PLEKHG4B: variants seen among roughly 807,000 people sequenced by gnomAD.
PLEKHG4B encodes the protein pleckstrin homology domain-containing family G member 4B.
In PLEKHG4B, 111 loss-of-function variants were observed where a neutral mutation model predicts 121.3. That is an observed-to-expected ratio of 0.92 (90% confidence interval 0.78 to 1.07). The LOEUF is 1.07. Among genes scored for constraint, PLEKHG4B ranks in the 50% least tolerant of loss-of-function variants. PLEKHG4B has a pLI of 0.00. For missense variants in PLEKHG4B, 1,831 were observed against 1,757.8 expected, an observed-to-expected ratio of 1.04 and a Z score of -0.74; for synonymous variants, 738 against 725.0, an observed-to-expected ratio of 1.02 and a Z score of -0.29.
Position 181,917 on chromosome 5 carries a change from C to CT in PLEKHG4B, c.4565-84dup, listed in dbSNP as rs1290049846. On this transcript the variant is annotated intron_variant, in intron 19 of 19. Coordinates refer to ENST00000637938, the MANE Select transcript of PLEKHG4B (RefSeq NM_052909.5). Reference sequence around the variant, plus strand: ...ACTGCAGTGGCAAAGCCTGGTCGGCCTTTCAGACGGCTCTGATCCCATTCC... The same window carrying CT: ...ACTGCAGTGGCAAAGCCTGGTCGGCCTTTTCAGACGGCTCTGATCCCATTCC... The CT allele has an allele frequency of 7.5e-6, 11 of 1,468,850 alleles. No homozygotes were observed. The Admixed American group carries it at 1.9e-4, about 26-fold the overall frequency. The allele number at this position is 1,468,850 out of a possible 1,614,324, so 91.0% of individuals were successfully genotyped here.
chr5:118,772 A>C (rs543435108), intron 2 of PLEKHG4B, among the ~76,000 whole-genome samples: 2 of 152,020 alleles, frequency 1.3e-5, no homozygotes, highest in East Asian at 3.9e-4. Context: ...TTTGCTCCCC[A>C]ACACTTTGTC....
rs1553992883 is a variant in PLEKHG4B, at chr5:183,991, C to CGATAGAT, written c.*1669_*1675dup. 9.6e-6 allele frequency: 1 copy of CGATAGAT among 104,708 alleles called. No individual in the cohort carries two copies. Among genetic ancestry groups the CGATAGAT allele is most frequent in the South Asian group, 3.1e-4 (1 of 3,178 alleles). 6.5% of individuals were successfully genotyped at this position (104,708 alleles called of 1,614,324 possible). On this transcript the variant is annotated 3_prime_UTR_variant, in exon 20 of 20. Transcript: ENST00000637938. ...CAGACAGATAGATAGATAGATAGAT[C>CGATAGAT]GATAGATAGATAGATAGATAGATAG...
chr5:134,308 T>C (rs1036379058), intron 2 of PLEKHG4B, among the ~76,000 whole-genome samples: 1 of 151,424 alleles, frequency 6.6e-6, no homozygotes, highest in Non-Finnish European at 1.5e-5. Flanking sequence ...TACAATAGAC[T>C]TTGGGGATTC....
At chr5:133,917 C>G (rs1405793644) in intron 2 of PLEKHG4B, among the ~76,000 whole-genome samples, 1 of 145,188 alleles carries the variant, frequency 6.9e-6, no homozygotes, top group African/African-American at 2.6e-5. Context: ...AAATGTGACA[C>G]ACACGCACAC....
chr5:135,682 AATATATATATAT>A (rs70955207), intron 2 of PLEKHG4B, among the ~76,000 whole-genome samples: 35 of 19,572 alleles, frequency 1.8e-3, no homozygotes, highest in African/African-American at 2.8e-3. Context: ...AAAAAAAAAA[AATATATATATAT>A]ATATATATAT....
Position 182,471 on chromosome 5 carries a change from C to A in PLEKHG4B, c.*148C>A. On this transcript the variant is annotated 3_prime_UTR_variant, in exon 20 of 20. Coordinates refer to ENST00000637938, the MANE Select transcript of PLEKHG4B (RefSeq NM_052909.5). ...AGCACAGCAGGTGTCCAGGTATTTC[C>A]CAGGATTTTAGACATTCCCTAACAT... The A allele has an allele frequency of 1.3e-6, 1 of 771,446 alleles. No individual in the cohort carries two copies. Among genetic ancestry groups the A allele is most frequent in the Non-Finnish European group, 2.0e-6 (1 of 498,790 alleles). 47.8% of individuals were successfully genotyped at this position (771,446 alleles called of 1,614,324 possible). A position where few individuals can be genotyped will look rare whatever the true frequency, so the allele number is the denominator to read the frequency against.
intron 1 of PLEKHG4B, among the ~76,000 whole-genome samples, chr5:104,618 G>C (rs955979690): frequency 6.6e-6 from 1 of 152,194 alleles, no homozygotes; most frequent in Admixed American, 6.5e-5. Context: ...GAAGAGGGCT[G>C]TATTAATCAC....
intron 7 of PLEKHG4B, among the ~76,000 whole-genome samples, chr5:152,524 C>G (rs1299824834): frequency 2.6e-5 from 4 of 152,114 alleles, no homozygotes; most frequent in African/African-American, 4.8e-5. Flanking sequence ...TTCTTAAAAA[C>G]TTTTTTCCTG....
chr5:98,425 CTTTTTTTTTTTT>C (rs55733931), intron 1 of PLEKHG4B, among the ~76,000 whole-genome samples: 1 of 46,820 alleles, frequency 2.1e-5, no homozygotes, highest in Admixed American at 3.5e-4. Flanking sequence ...TTTACTGTAG[CTTTTTTTTTTTT>C]TTTTTTTTTT....
At chr5:174,481 A>G (rs913064728) in intron 18 of PLEKHG4B, among the ~76,000 whole-genome samples, 2 of 152,122 alleles carry the variant, frequency 1.3e-5, no homozygotes, top group African/African-American at 2.4e-5. Flanking sequence ...GAGCTGGGCT[A>G]TCAACCTTAA....
In PLEKHG4B at chr5:92,485, G is replaced by C. The variant is rs1268131664; in HGVS notation, c.45+209G>C. ...CCGGGGTAGGGGCGGGTGGGGGCGC[G>C]GGGGTAGGGGCGGGGTGAAGGCGCG... On this transcript the variant is annotated intron_variant, in intron 1 of 19. Coordinates refer to ENST00000637938, the MANE Select transcript of PLEKHG4B (RefSeq NM_052909.5). Among the ~76,000 whole-genome samples the C allele has an allele frequency of 1.0e-3, 128 of 122,684 alleles. 1 individual carries two copies. Among genetic ancestry groups the C allele is most frequent in the African/African-American group, 3.7e-3 (117 of 31,380 alleles). 80.5% of individuals were successfully genotyped at this position (122,684 alleles called of 152,430 possible).
intron 12 of PLEKHG4B, among the ~76,000 whole-genome samples, chr5:162,296 A>C (rs1329502961): frequency 1.6e-5 from 2 of 126,674 alleles, no homozygotes; most frequent in African/African-American, 6.2e-5. Flanking sequence ...CACGCCTGCG[A>C]GCTCCCCCGC....
In PLEKHG4B at chr5:169,317, C is replaced by T. The variant is rs547483207; in HGVS notation, c.3477-23C>T. The T allele has an allele frequency of 1.2e-6, 2 of 1,612,690 alleles. 1 individual carries two copies. The highest frequency in any genetic ancestry group is 2.2e-5 in the South Asian group (2 of 91,044). On this transcript the variant is annotated intron_variant, in intron 13 of 19. Coordinates refer to ENST00000637938, the MANE Select transcript of PLEKHG4B (RefSeq NM_052909.5). ...AGTGTCCGTGGGGGGCCGTGTGCCC[C>T]CCGGGATCTCTGTGTCTTCCAGCAG...
intron 7 of PLEKHG4B, among the ~76,000 whole-genome samples, chr5:153,419 C>T (rs1447229466): frequency 6.6e-6 from 1 of 152,146 alleles, no homozygotes; most frequent in Non-Finnish European, 1.5e-5. Context: ...CTAGTGTGCA[C>T]GTAACGTGGT....
Position 155,310 on chromosome 5 carries a change from G to A in PLEKHG4B, c.2110-35G>A, listed in dbSNP as rs755285781. 4 of 1,553,630 alleles carry A rather than the reference G, an allele frequency of 2.6e-6. No individual in the cohort carries two copies. The African/African-American group carries it at 5.4e-5, about 21-fold the overall frequency. The stretch of plus-strand genomic sequence containing the variant: ...CTTACTTTAGCATTTAACAGACTGT[G>A]TTCTTATAATCTCCTCCCTCTCAAC... On this transcript the variant is annotated intron_variant, in intron 8 of 19. Coordinates refer to ENST00000637938, the MANE Select transcript of PLEKHG4B (RefSeq NM_052909.5).
At chr5:166,624 T>A (rs1478143704) in intron 13 of PLEKHG4B, among the ~76,000 whole-genome samples, 10 of 149,640 alleles carry the variant, frequency 6.7e-5, no homozygotes. Flanking sequence ...CAACACTCCC[T>A]CGCCTGCCAC....
At chr5:161,721 C>T (rs942807738) in intron 11 of PLEKHG4B, 62 bp from the exon 12 acceptor site, 1 of 1,610,264 alleles carries the variant, frequency 6.2e-7, no homozygotes, top group African/African-American at 1.3e-5. Flanking sequence ...ACCCAGCCCA[C>T]ACCTGGAGAC....
chr5:156,923 A>G lies in PLEKHG4B; in HGVS notation c.2487+12A>G. ...AAGGGAATGACCAGGTCAGAGCTGC[A>G]GGAGGAAGGCGGCCCGGTCAGCATC... On this transcript the variant is annotated intron_variant, in intron 11 of 19. Transcript: ENST00000637938. The surrounding 1 kb of genome is among the most constrained non-coding windows in gnomAD (Gnocchi z 4.4). 1 of 1,611,026 alleles carries G rather than the reference A, an allele frequency of 6.2e-7. No homozygotes were observed.
At chr5:170,934 C>A in intron 14 of PLEKHG4B, 109 bp from the exon 15 acceptor site, 1 of 804,722 alleles carries the variant, frequency 1.2e-6, no homozygotes, top group Non-Finnish European at 2.0e-6. Context: ...CAAACTGCAC[C>A]TGGGGGGTCT....
Sources: gnomAD v4.1 joint callset for allele counts (sites outside exome capture counted in the v4.1 genomes callset) on GRCh38, gnomAD v4.1.1 for gene constraint, Gnocchi (gnomAD v3.1) non-coding constraint, MANE v1.5 for transcripts, NCBI Gene and HGNC (gene_info 2026-07-23, HGNC 2026-07-21) for gene names.